Variants in OGG1 observed in about 807,000 individuals in gnomAD.
The protein encoded by OGG1 is N-glycosylase/DNA lyase.
A neutral mutation model predicts 42.3 loss-of-function variants in OGG1; 35 were observed. That is an observed-to-expected ratio of 0.83 (90% confidence interval 0.63 to 1.10). The LOEUF is 1.10. Ranked by LOEUF, OGG1 falls within the 50% of genes least tolerant of loss-of-function variation. The probability of loss-of-function intolerance (pLI) is 0.00; values close to 1 mark genes in which losing one functional copy is unlikely to be tolerated. For missense variants in OGG1, 484 were observed against 446.7 expected (o/e 1.08, Z -0.75); for synonymous variants, 189 against 179.0 (o/e 1.06, Z -0.44).
downstream of OGG1, chr3:9,759,806 C>A: frequency 6.2e-7 from 1 of 1,613,582 alleles, no homozygotes; most frequent in Non-Finnish European, 8.5e-7. Flanking sequence ...CCTGTGTACT[C>A]CCCAAGAGCA....
At chr3:9,774,952 T>C (rs1044286062) in intron 2 of OGG1, among the ~76,000 whole-genome samples, 2 of 151,902 alleles carry the variant, frequency 1.3e-5, no homozygotes, top group South Asian at 2.1e-4. Flanking sequence ...TCCAAGATGT[T>C]TGAGTAATTT....
chr3:9,780,724 C>T (rs1335813871), intron 2 of OGG1, among the ~76,000 whole-genome samples: 2 of 152,186 alleles, frequency 1.3e-5, no homozygotes, highest in African/African-American at 2.4e-5. Context: ...ATCTTAAGCT[C>T]CTGAAAAATA....
downstream of OGG1, chr3:9,770,132 C>T (rs1239316302): frequency 6.6e-6 from 1 of 152,354 alleles, no homozygotes; most frequent in African/African-American, 2.4e-5. Flanking sequence ...CGCTTCCCGC[C>T]CTTGGTCTTA....
chr3:9,767,613 C>A, downstream of OGG1: 1 of 1,611,040 alleles, frequency 6.2e-7, no homozygotes, highest in East Asian at 2.2e-5. Context: ...GGAAGCCCCA[C>A]CCTGGACTCA....
exon 8 of OGG1, chr3:9,765,896 G>A (rs1420509751): frequency 8.1e-6 from 13 of 1,613,658 alleles, no homozygotes; most frequent in Middle Eastern, 1.7e-4. Flanking sequence ...CCCCCCTATC[G>A]GGAGAGGGGA....
intron 3 of OGG1, among the ~76,000 whole-genome samples, chr3:9,781,858 T>G (rs928558849): frequency 4.8e-5 from 5 of 103,510 alleles, no homozygotes; most frequent in African/African-American, 1.1e-4. Context: ...TTTTTTTTTT[T>G]GAGACAGGTC....
chr3:9,754,926 C>CT (rs2077469872), intron 4 of OGG1, 41 bp downstream of exon 4: 1 of 1,516,954 alleles, frequency 6.6e-7, no homozygotes, highest in South Asian at 1.2e-5. Context: ...TCTACTGACA[C>CT]TAAGAGGAGA....
chr3:9,765,782 C>G, intron 7 of OGG1: 4 of 1,614,118 alleles, frequency 2.5e-6, no homozygotes, highest in Non-Finnish European at 3.4e-6. Flanking sequence ...CAATCTCATT[C>G]TCCATGCTGC....
At chr3:9,784,131 C>CG in intron 3 of OGG1, 1 of 1,614,150 alleles carries the variant, frequency 6.2e-7, no homozygotes, top group Non-Finnish European at 8.5e-7. Context: ...GAGTCCTCTG[C>CG]GGGGCGGTCC....
chr3:9,759,336 T>G, downstream of OGG1: 1 of 1,564,292 alleles, frequency 6.4e-7, no homozygotes, highest in Non-Finnish European at 8.8e-7. Flanking sequence ...GTTTGTTGAA[T>G]GAAAGAGTGA....
rs1575294525 is a variant in OGG1 at position 9,782,690 on chromosome 3, C to T, written c.382+1090C>T. ...CCTGTAATCCCAACTACTCAGGAGG[C>T]TGAGGCAGGAGAACTGCCTGAACCC... On this transcript the variant is annotated intron_variant, in intron 3 of 3. Coordinates refer to the OGG1 transcript ENST00000426518. 2.0e-5 allele frequency among the ~76,000 whole-genome samples: 3 copies of T among 151,380 alleles called. No individual in the cohort carries two copies. The East Asian group carries it at 5.8e-4, about 29-fold the overall frequency.
downstream of OGG1, chr3:9,760,366 T>C (rs1283060937): frequency 9.8e-6 from 3 of 304,858 alleles, no homozygotes; most frequent in East Asian, 2.1e-4. Context: ...AGGATGAAAA[T>C]GTTTATGGTG....
intron 3 of OGG1, chr3:9,787,639 G>C: frequency 2.2e-6 from 3 of 1,363,042 alleles, no homozygotes; most frequent in African/African-American, 1.5e-5. Flanking sequence ...TGCCTCTCGA[G>C]AGAATTAGGA....
chr3:9,752,013 C>T (rs1265831784), intron 3 of OGG1, 64 bp downstream of exon 3: 2 of 1,499,422 alleles, frequency 1.3e-6, no homozygotes, highest in East Asian at 2.3e-5. Flanking sequence ...TCATTTCTCC[C>T]CTGGTTACCT....
downstream of OGG1, chr3:9,760,567 G>T: frequency 7.4e-7 from 1 of 1,346,798 alleles, no homozygotes; most frequent in Non-Finnish European, 1.1e-6. Flanking sequence ...AAATCCGACA[G>T]AAGGAAGGCA....
At chr3:9,783,307 G>A (rs1452491995) in intron 3 of OGG1, 4 of 151,672 alleles carry the variant, frequency 2.6e-5, no homozygotes, top group Admixed American at 1.3e-4. Flanking sequence ...AAATGGTTAA[G>A]AAGCGTAAAT....
At chr3:9,779,073 A>T (rs1343507743) in intron 2 of OGG1, among the ~76,000 whole-genome samples, 1 of 151,700 alleles carries the variant, frequency 6.6e-6, no homozygotes, top group Non-Finnish European at 1.5e-5. Context: ...ATATTTATTC[A>T]TCTGTGTCCC....
downstream of OGG1, chr3:9,767,684 G>A (rs1316194280): frequency 6.2e-7 from 1 of 1,614,008 alleles, no homozygotes; most frequent in African/African-American, 1.3e-5. Context: ...GAACATCTCG[G>A]AAGTCGTAGA....
At chr3:9,760,561 C>A, downstream of OGG1, 8 of 1,284,766 alleles carry the variant, frequency 6.2e-6, no homozygotes, top group South Asian at 1.2e-5. Context: ...GCTGGAAAAT[C>A]CGACAGAAGG....
Sources: gnomAD v4.1 joint callset for allele counts (sites outside exome capture counted in the v4.1 genomes callset) on GRCh38, gnomAD v4.1.1 for gene constraint, MANE v1.5 for transcripts, NCBI Gene and HGNC (gene_info 2026-07-23, HGNC 2026-07-21) for gene names.